WIF1: variants seen among roughly 807,000 people sequenced by gnomAD.
WIF1 encodes the protein Wnt inhibitory factor 1.
In WIF1, 35 loss-of-function variants were observed where a neutral mutation model predicts 53.5. The ratio of observed to expected loss-of-function variants is 0.65; its 90% CI spans 0.50 to 0.87. The LOEUF (loss-of-function observed/expected upper bound fraction) is 0.87, where lower values mean the gene tolerates loss of function less well. WIF1 is among the 40% of genes least tolerant of loss of function. The pLI, the probability that WIF1 is intolerant of heterozygous loss-of-function variation, is 0.00. For synonymous variants in WIF1, 171 were observed against 170.4 expected, an observed-to-expected ratio of 1.00 and a Z score of -0.03; for missense variants, 467 against 476.8, an observed-to-expected ratio of 0.98 and a Z score of 0.19.
At chr12:65,083,734 C>T (rs1385253028) in intron 2 of WIF1, 1 of 335,556 alleles carries the variant, frequency 3.0e-6, no homozygotes, top group Non-Finnish European at 5.6e-6. Context: ...CACTTGATTT[C>T]TCTTTTCTTT....
At chr12:65,106,493 A>G (rs1269907739) in intron 2 of WIF1, among the ~76,000 whole-genome samples, 1 of 151,704 alleles carries the variant, frequency 6.6e-6, no homozygotes, top group East Asian at 1.9e-4. Flanking sequence ...CCTCCTCAGT[A>G]GCTGGGATTA....
intron 2 of WIF1, among the ~76,000 whole-genome samples, chr12:65,119,563 A>G (rs1883564699): frequency 6.6e-6 from 1 of 152,144 alleles, no homozygotes; most frequent in African/African-American, 2.4e-5. Context: ...AAGGAACTTT[A>G]GAATAAAAGA....
intron 2 of WIF1, among the ~76,000 whole-genome samples, chr12:65,104,418 A>G (rs1226297259): frequency 6.6e-6 from 1 of 152,186 alleles, no homozygotes; most frequent in East Asian, 1.9e-4. Context: ...AGATTCAGAA[A>G]TATCCTGATT....
rs971199482 is a variant in WIF1, at chr12:65,068,884, A to C, written c.418T>G (p.Cys140Gly). ...KASVVQVGFP[C>G]LGKQDGVAAF... ...GCCACCCCATCCTGTTTTCCAAGACATGGGAAACCAACTTGAACAACTAAA... is the reference window on the plus strand; with the variant it reads ...GCCACCCCATCCTGTTTTCCAAGACCTGGGAAACCAACTTGAACAACTAAA... Residue 140 changes from cysteine (C) to glycine (G), a missense_variant, in exon 4 of 10, where the codon TGT becomes GGT. Transcript: ENST00000286574. The C allele has an allele frequency of 1.2e-6, 2 of 1,613,276 alleles. No individual in the cohort carries two copies. Among genetic ancestry groups the C allele is most frequent in the Non-Finnish European group, 1.7e-6 (2 of 1,179,600 alleles).
intron 3 of WIF1, among the ~76,000 whole-genome samples, chr12:65,071,214 A>G (rs1227038136): frequency 2.7e-5 from 4 of 146,632 alleles, no homozygotes; most frequent in Non-Finnish European, 6.0e-5. Context: ...AGCCTGGGCA[A>G]CAGAGCAAGA....
intron 2 of WIF1, chr12:65,083,814 T>TTCCTTTCCTTTCCTTTCCTC (rs1565754669): frequency 3.1e-6 from 1 of 318,908 alleles, no homozygotes; most frequent in African/African-American, 2.8e-5. Flanking sequence ...TTCCTTTCCT[T>TTCCTTTCCTTTCCTTTCCTC]TCCTCTCCTC....
chr12:65,053,811 A>C (rs1276719690), intron 9 of WIF1, among the ~76,000 whole-genome samples: 1 of 151,818 alleles, frequency 6.6e-6, no homozygotes, highest in Non-Finnish European at 1.5e-5. Flanking sequence ...AAAACTTAGA[A>C]ATTAGAAAGA....
intron 2 of WIF1, among the ~76,000 whole-genome samples, chr12:65,102,513 T>C (rs1362981425): frequency 6.6e-6 from 1 of 152,186 alleles, no homozygotes; most frequent in Non-Finnish European, 1.5e-5. Context: ...ATCTACTTTA[T>C]TCAGTCTATG....
At position 65,055,152 on chromosome 12, in the gene WIF1, A is replaced by G; in HGVS notation, c.984T>C (p.Cys328=). The G allele has an allele frequency of 1.9e-6, 3 of 1,614,178 alleles. No individual in the cohort carries two copies. Among genetic ancestry groups the G allele is most frequent in the Non-Finnish European group, 2.5e-6 (3 of 1,180,018 alleles). ...AGTGTCTTCCATGCCAACCTTCTTG[A>G]CATTGGCATTTGTTGGGTTCATGGC... ...GTCHEPNKCQ[C]QEGWHGRHCN... Residue 328 remains cysteine, a synonymous_variant, in exon 9 of 10, where the codon TGT becomes TGC. Transcript: ENST00000286574.
intron 2 of WIF1, among the ~76,000 whole-genome samples, chr12:65,118,218 G>A (rs914842628): frequency 6.6e-6 from 1 of 152,212 alleles, no homozygotes; most frequent in African/African-American, 2.4e-5. Context: ...ATAATGAAAT[G>A]AAATTTTCAT....
intron 2 of WIF1, among the ~76,000 whole-genome samples, chr12:65,101,916 G>T (rs1316636121): frequency 6.6e-6 from 1 of 152,100 alleles, no homozygotes; most frequent in Non-Finnish European, 1.5e-5. Flanking sequence ...GGATCAGGAG[G>T]ACCAGCTTTC....
At chr12:65,064,541 A>T (rs1882659634) in intron 6 of WIF1, among the ~76,000 whole-genome samples, 1 of 152,134 alleles carries the variant, frequency 6.6e-6, no homozygotes. Context: ...CAGAGCCTCC[A>T]CATATTCCCT....
rs542043074 is a variant in WIF1 at position 65,062,425 on chromosome 12, A to G, written c.826+56T>C. 2.3e-5 allele frequency: 33 copies of G among 1,442,634 alleles called. 2 individuals carry two copies. The East Asian group carries it at 5.9e-4, about 26-fold the overall frequency. The allele number at this position is 1,442,634 out of a possible 1,614,324, so 89.4% of individuals were successfully genotyped here. A position where few individuals can be genotyped will look rare whatever the true frequency, so the allele number is the denominator to read the frequency against. On this transcript the variant is annotated intron_variant, in intron 7 of 9. Coordinates refer to ENST00000286574, the MANE Select transcript of WIF1 (RefSeq NM_007191.5). ...TCCTCCTTGATAAAATGAAGGGGTT[A>G]TATGGGGTTTCTAAGGTCTCCCCAA...
rs761966477 is a variant in WIF1, at chr12:65,051,494, A to G, written c.1019-24T>C. On this transcript the variant is annotated intron_variant, in intron 9 of 9. Transcript: ENST00000286574. ...CCCTGCAAAATTATTCACAGCTTAA[A>G]AGGAAAGAAACTACAAAACCAGGCT... 2.6e-6 allele frequency: 4 copies of G among 1,557,400 alleles called. No homozygotes were observed. In the East Asian group the frequency reaches 6.9e-5, roughly 27 times the overall value.
Position 65,051,390 on chromosome 12 carries a change from C to T in WIF1, c.1099G>A (p.Glu367Lys), listed in dbSNP as rs1007141421. 2.0e-5 allele frequency: 32 copies of T among 1,613,840 alleles called. No individual in the cohort carries two copies. The highest frequency in any genetic ancestry group is 6.7e-5 in the African/African-American group (5 of 74,926). ...GATTCAGGTGGATCCCGCCGCTCCT[C>T]GGCCTTTTTAAGTGAAGGCGTGTGC... ...RQHTPSLKKA[E>K]ERRDPPESNY... Residue 367 changes from glutamate to lysine, a missense_variant, in exon 10 of 10, where the codon GAG (glutamate) becomes AAG (lysine). Physicochemically the swap from Glu to Lys is moderately conservative, Grantham distance 56. Coordinates refer to ENST00000286574, the MANE Select transcript of WIF1 (RefSeq NM_007191.5).
rs547782985 is a variant in WIF1 at position 65,081,800 on chromosome 12, G to T, written c.289-3946C>A. On this transcript the variant is annotated intron_variant, in intron 2 of 9. Transcript: ENST00000286574. ...GGTACATTTCTTTAAAAAAGATTTT[G>T]TCTGTGGTTTTCATTGCCTCTTTAA... Among the ~76,000 whole-genome samples, 8 of 151,748 alleles carry T rather than the reference G, an allele frequency of 5.3e-5. No individual in the cohort carries two copies. In the East Asian group the frequency reaches 1.2e-3, roughly 22 times the overall value.
intron 2 of WIF1, among the ~76,000 whole-genome samples, chr12:65,100,348 C>A (rs1464383201): frequency 1.3e-5 from 2 of 152,092 alleles, no homozygotes; most frequent in Non-Finnish European, 2.9e-5. Context: ...CCCCCACTGC[C>A]CCCTACAGTA....
In WIF1 at chr12:65,108,955, A is replaced by T. The variant is rs146908175; in HGVS notation, c.288+11462T>A. On this transcript the variant is annotated intron_variant, in intron 2 of 9. Transcript: ENST00000286574. ...CTGTGAATTCAGATACAACATTATT[A>T]TCTACTTTTAAGCATTCGATGGCTC... Among the ~76,000 whole-genome samples, 737 of 152,276 alleles carry T rather than the reference A, an allele frequency of 4.8e-3. 13 individuals are homozygous for T. The highest frequency in any genetic ancestry group is 0.017 in the African/African-American group (690 of 41,546).
chr12:65,108,308 G>T (rs1261574176), intron 2 of WIF1, among the ~76,000 whole-genome samples: 1 of 152,146 alleles, frequency 6.6e-6, no homozygotes, highest in South Asian at 2.1e-4. Flanking sequence ...AGAAGGAAGG[G>T]TGATAGGGCA....
Sources: allele counts gnomAD v4.1 joint callset (sites outside exome capture counted in the v4.1 genomes callset), GRCh38; gene constraint gnomAD v4.1.1; transcripts MANE v1.5; gene names NCBI Gene and HGNC (gene_info 2026-07-23, HGNC 2026-07-21).